Variants in ABLIM2 observed in about 807,000 individuals in gnomAD.
The protein encoded by ABLIM2 is actin binding LIM protein family member 2.
A neutral mutation model predicts 97.7 loss-of-function variants in ABLIM2; 53 were observed. That is an observed-to-expected ratio of 0.54 (90% CI 0.44 to 0.68). The LOEUF is 0.68. Ranked by LOEUF, ABLIM2 falls within the 30% of genes least tolerant of loss-of-function variation. The probability of loss-of-function intolerance (pLI) is 0.00; values close to 1 mark genes in which losing one functional copy is unlikely to be tolerated. For synonymous variants in ABLIM2, 361 were observed against 345.8 expected (o/e 1.04, Z -0.49); for missense variants, 835 against 867.2 (o/e 0.96, Z 0.47).
rs980092378 is a variant in ABLIM2, at chr4:8,130,949, G to A, written c.11-24312C>T. 5.9e-5 allele frequency among the ~76,000 whole-genome samples: 9 copies of A among 152,136 alleles called. No homozygotes were observed. The highest frequency in any genetic ancestry group is 2.2e-4 in the African/African-American group (9 of 41,412). On this transcript the variant is annotated intron_variant, in intron 1 of 20. Transcript: ENST00000447017. This position sits in a 1 kb window ranked among gnomAD's most constrained non-coding sequence, Gnocchi z 4.2. The stretch of plus-strand genomic sequence containing the variant: ...GCTGAGCTCCCCCAAAGGCTCTAGG[G>A]GAGGCTGCCGTTACCTCGCCCTGCT...
intron 14 of ABLIM2, among the ~76,000 whole-genome samples, chr4:8,011,531 T>C (rs1024293060): frequency 6.6e-5 from 10 of 152,178 alleles, no homozygotes; most frequent in Non-Finnish European, 1.3e-4. Context: ...CTCCACGTTG[T>C]GAGGATCACA....
intron 20 of ABLIM2, among the ~76,000 whole-genome samples, chr4:7,977,561 G>C (rs1038277660): frequency 1.1e-4 from 17 of 152,216 alleles, no homozygotes; most frequent in African/African-American, 4.1e-4. Context: ...AGGCTGAAGT[G>C]GGGGGATCAC....
intron 7 of ABLIM2, among the ~76,000 whole-genome samples, chr4:8,060,469 G>T (rs572388506): frequency 1.2e-4 from 19 of 152,208 alleles, no homozygotes; most frequent in African/African-American, 4.3e-4. Context: ...CTCTTCCCTT[G>T]CTCCTGGAAG....
At chr4:8,031,009 G>C (rs533364561) in intron 10 of ABLIM2, among the ~76,000 whole-genome samples, 1 of 152,358 alleles carries the variant, frequency 6.6e-6, no homozygotes, top group Non-Finnish European at 1.5e-5. Context: ...GAGCCAAGCG[G>C]AGAAGCCACG....
At chr4:8,042,253 A>G (rs1426825500) in intron 9 of ABLIM2, among the ~76,000 whole-genome samples, 2 of 152,188 alleles carry the variant, frequency 1.3e-5, no homozygotes, top group Non-Finnish European at 2.9e-5. Context: ...GGCGGGTCAT[A>G]GAAACTAGAA....
chr4:8,110,380 C>T (rs1839716933), intron 1 of ABLIM2, among the ~76,000 whole-genome samples: 2 of 152,082 alleles, frequency 1.3e-5, no homozygotes. Context: ...GCCTGGGATG[C>T]AGGCTTAGCT....
At chr4:8,009,223 G>A (rs886215666) in intron 14 of ABLIM2, 121 bp from the exon 15 acceptor site, 4 of 1,217,156 alleles carry the variant, frequency 3.3e-6, no homozygotes, top group Non-Finnish European at 4.8e-6. Context: ...AAGGTCAGTA[G>A]TACGAGTGCC....
chr4:8,110,920 G>A (rs1840020269), intron 1 of ABLIM2, among the ~76,000 whole-genome samples: 1 of 152,228 alleles, frequency 6.6e-6, no homozygotes, highest in Admixed American at 6.5e-5. Flanking sequence ...AAGTGGGTAT[G>A]CGCTTGCCTC....
intron 17 of ABLIM2, among the ~76,000 whole-genome samples, chr4:7,990,081 C>T (rs1273450894): frequency 6.6e-6 from 1 of 152,154 alleles, no homozygotes; most frequent in Non-Finnish European, 1.5e-5. Context: ...GCCTTTGCCT[C>T]CCATGATGAA....
At chr4:8,109,984 G>A (rs1246491215) in intron 1 of ABLIM2, among the ~76,000 whole-genome samples, 1 of 152,244 alleles carries the variant, frequency 6.6e-6, no homozygotes, top group African/African-American at 2.4e-5. Context: ...AATAAAGATG[G>A]TGGGGAGGGT....
intron 16 of ABLIM2, chr4:8,007,224 C>T (rs1762040658): frequency 3.0e-6 from 3 of 985,456 alleles, no homozygotes; most frequent in African/African-American, 3.5e-5. Flanking sequence ...GAATGCCACA[C>T]ACATACCCAG....
intron 12 of ABLIM2, among the ~76,000 whole-genome samples, chr4:8,027,018 G>C (rs943067589): frequency 6.6e-6 from 1 of 151,786 alleles, no homozygotes; most frequent in Non-Finnish European, 1.5e-5. Flanking sequence ...TGTGTGTGGA[G>C]AGGGAGCGAG....
chr4:8,027,143 C>T (rs576848361), intron 12 of ABLIM2, among the ~76,000 whole-genome samples: 6 of 152,160 alleles, frequency 3.9e-5, no homozygotes, highest in Non-Finnish European at 7.3e-5. Context: ...GATACAGTCA[C>T]GTCAGGAATT....
intron 9 of ABLIM2, among the ~76,000 whole-genome samples, chr4:8,040,134 G>A (rs78804190): frequency 0.078 from 11,907 of 152,120 alleles, 628 homozygotes; most frequent in South Asian, 0.15. Flanking sequence ...TCTTCCTCAC[G>A]GTGAAGGAAG....
At chr4:8,078,614 G>GTGGGGAGGCGCTGCTC (rs1817820914) in intron 5 of ABLIM2, among the ~76,000 whole-genome samples, 1 of 152,252 alleles carries the variant, frequency 6.6e-6, no homozygotes, top group African/African-American at 2.4e-5. Context: ...CACACTCGGT[G>GTGGGGAGGCGCTGCTC]TGGGGAGGCG....
At chr4:7,975,616 C>T (rs1472348320) in intron 20 of ABLIM2, among the ~76,000 whole-genome samples, 2 of 152,220 alleles carry the variant, frequency 1.3e-5, no homozygotes. Flanking sequence ...AGGGACTCAT[C>T]TGATTGGGCC....
intron 12 of ABLIM2, among the ~76,000 whole-genome samples, chr4:8,024,561 T>G (rs1486136630): frequency 6.6e-6 from 1 of 152,136 alleles, no homozygotes; most frequent in Non-Finnish European, 1.5e-5. Flanking sequence ...CTGCCTGGTG[T>G]CCAGCTGACC....
chr4:8,055,525 T>C (rs1798524018), intron 7 of ABLIM2, among the ~76,000 whole-genome samples: 1 of 152,236 alleles, frequency 6.6e-6, no homozygotes, highest in South Asian at 2.1e-4. Flanking sequence ...CATGGCTGTG[T>C]CTCCATCTCT....
At chr4:8,137,076 G>A (rs73799603) in intron 1 of ABLIM2, among the ~76,000 whole-genome samples, 17,733 of 152,212 alleles carry the variant, frequency 0.12, 1,158 homozygotes, top group Middle Eastern at 0.22. Context: ...CCCACTCTCC[G>A]TGCCTCCCTC....
Sources: gnomAD v4.1 joint callset for allele counts (sites outside exome capture counted in the v4.1 genomes callset) on GRCh38, gnomAD v4.1.1 for gene constraint, Gnocchi (gnomAD v3.1) non-coding constraint, MANE v1.5 for transcripts, NCBI Gene and HGNC (gene_info 2026-07-23, HGNC 2026-07-21) for gene names.